The following RHBDD1 variants were observed in gnomAD, a reference collection of about 807,000 sequenced individuals.
RHBDD1 encodes the protein rhomboid-related protein 4.
Under a neutral mutation model 36.3 loss-of-function variants are expected in RHBDD1, and 38 were observed. The ratio of observed to expected loss-of-function variants is 1.05; its 90% CI spans 0.81 to 1.37. The LOEUF is 1.37. RHBDD1 is among the 40% of genes most tolerant of loss of function. RHBDD1 has a pLI of 0.00. For missense variants in RHBDD1, 393 were observed against 377.6 expected (o/e 1.04, Z -0.34); for synonymous variants, 151 against 136.5 (o/e 1.11, Z -0.74).
At chr2:226,970,063 C>G in intron 8 of RHBDD1, among the ~76,000 whole-genome samples, 1 of 142,772 alleles carries the variant, frequency 7.0e-6, no homozygotes, top group East Asian at 2.1e-4. Flanking sequence ...CCAGCCCTCT[C>G]CCCCCGCATT....
intron 5 of RHBDD1, among the ~76,000 whole-genome samples, chr2:226,906,127 C>T (rs1948034161): frequency 6.6e-6 from 1 of 152,180 alleles, no homozygotes; most frequent in South Asian, 2.1e-4. Context: ...CAAGTAATTG[C>T]TGGTTTTAGA....
intron 8 of RHBDD1, among the ~76,000 whole-genome samples, chr2:226,922,224 T>TC: frequency 6.8e-6 from 1 of 146,772 alleles, no homozygotes; most frequent in Non-Finnish European, 1.5e-5. Flanking sequence ...TTTTTTTTTT[T>TC]TGAGACGGAG....
At chr2:226,944,413 A>C (rs111497254) in intron 8 of RHBDD1, among the ~76,000 whole-genome samples, 1 of 152,072 alleles carries the variant, frequency 6.6e-6, no homozygotes, top group South Asian at 2.1e-4. Context: ...GGCTAGGGGG[A>C]CACTGTCAGA....
At chr2:226,847,922 T>G (rs921717745) in intron 3 of RHBDD1, among the ~76,000 whole-genome samples, 1 of 152,308 alleles carries the variant, frequency 6.6e-6, no homozygotes, top group East Asian at 1.9e-4. Context: ...ATGGAACGCC[T>G]TGCAACTCCC....
chr2:226,911,271 A>G (rs937056998), intron 7 of RHBDD1, among the ~76,000 whole-genome samples: 3 of 152,092 alleles, frequency 2.0e-5, no homozygotes, highest in South Asian at 2.1e-4. Context: ...TAGATCTTAC[A>G]TAACAGAATG....
chr2:226,869,614 G>A (rs1272098533), intron 5 of RHBDD1, among the ~76,000 whole-genome samples: 8 of 152,126 alleles, frequency 5.3e-5, no homozygotes, highest in Admixed American at 5.2e-4. Context: ...TGAAAGCCAC[G>A]GAATTAGTAA....
At chr2:226,918,735 C>T (rs1000470652) in intron 8 of RHBDD1, among the ~76,000 whole-genome samples, 2 of 151,970 alleles carry the variant, frequency 1.3e-5, no homozygotes, top group African/African-American at 4.8e-5. Context: ...TTAGGTTGCT[C>T]CCAAATCTTG....
chr2:226,801,113 G>A, the RHBDD1 span, among the ~76,000 whole-genome samples: 1 of 152,170 alleles, frequency 6.6e-6, no homozygotes, highest in African/African-American at 2.4e-5. Flanking sequence ...TTACTACGCC[G>A]GGACCCTCCT....
At chr2:226,923,843 T>C (rs1368157262) in intron 8 of RHBDD1, among the ~76,000 whole-genome samples, 1 of 152,048 alleles carries the variant, frequency 6.6e-6, no homozygotes, top group African/African-American at 2.4e-5. Context: ...TCTTGATTTG[T>C]TTTAATTATT....
intron 8 of RHBDD1, among the ~76,000 whole-genome samples, chr2:226,951,077 C>A (rs1315311760): frequency 6.6e-6 from 1 of 152,080 alleles, no homozygotes; most frequent in Non-Finnish European, 1.5e-5. Context: ...CCTCCATTTT[C>A]TTCTAGTAGG....
intron 8 of RHBDD1, among the ~76,000 whole-genome samples, chr2:226,946,448 C>A (rs1484429625): frequency 6.6e-6 from 1 of 151,910 alleles, no homozygotes; most frequent in African/African-American, 2.4e-5. Flanking sequence ...GCTACTGTAG[C>A]CTTGTAGTGT....
At chr2:226,992,306 CT>C (rs1392770392) in intron 8 of RHBDD1, among the ~76,000 whole-genome samples, 2 of 152,168 alleles carry the variant, frequency 1.3e-5, no homozygotes, top group African/African-American at 4.8e-5. Flanking sequence ...TTGTGATTCT[CT>C]TCGAAATAAG....
At chr2:226,901,011 G>C (rs937655228) in intron 5 of RHBDD1, among the ~76,000 whole-genome samples, 14 of 152,114 alleles carry the variant, frequency 9.2e-5, no homozygotes, top group Admixed American at 6.5e-4. Context: ...TGTAGCCTTT[G>C]ATCAACATCC....
chr2:226,922,962 TTTTATTATACTG>T (rs1949429669), intron 8 of RHBDD1, among the ~76,000 whole-genome samples: 1 of 152,226 alleles, frequency 6.6e-6, no homozygotes, highest in Non-Finnish European at 1.5e-5. Context: ...TCTACTTATA[TTTTATTATACTG>T]TTTACGTTTG....
At chr2:226,901,978 G>A (rs1244243485) in intron 5 of RHBDD1, among the ~76,000 whole-genome samples, 2 of 152,146 alleles carry the variant, frequency 1.3e-5, no homozygotes, top group Non-Finnish European at 2.9e-5. Flanking sequence ...GCCGTTTACT[G>A]TAGTTGCTGT....
rs564546775 is a variant in RHBDD1 at position 226,848,490 on chromosome 2, G to C, written c.-91+8863G>C. ...TCAGCTCTGACACATAAAGATACTG[G>C]AAGTCATTGTCACAATAAGAAAAAA... On this transcript the variant is annotated intron_variant, in intron 3 of 8. Coordinates refer to ENST00000392062, the MANE Select transcript of RHBDD1 (RefSeq NM_001167608.3). 2.0e-5 allele frequency among the ~76,000 whole-genome samples: 3 copies of C among 152,214 alleles called. No homozygotes were observed. The South Asian group carries it at 6.2e-4, about 32-fold the overall frequency.
upstream of RHBDD1, among the ~76,000 whole-genome samples, chr2:226,831,708 T>A (rs912344063): frequency 7.3e-5 from 11 of 151,228 alleles, no homozygotes; most frequent in African/African-American, 2.7e-4. Context: ...TATAATACTT[T>A]TTTTTTTTTT....
At chr2:226,827,952 TTTG>T in the RHBDD1 span, among the ~76,000 whole-genome samples, 1 of 152,234 alleles carries the variant, frequency 6.6e-6, no homozygotes, top group Non-Finnish European at 1.5e-5. Context: ...TTTAAATAGC[TTTG>T]TTAATGTGGA....
Position 226,995,448 on chromosome 2 carries a change from C to T in RHBDD1, c.874C>T (p.Pro292Ser). Residue 292 changes from proline (P) to serine (S), a missense_variant, in exon 9 of 9, where the codon CCA (proline) becomes TCA (serine). By Grantham distance (74) the Pro-to-Ser change is moderately conservative. Coordinates refer to ENST00000392062, the MANE Select transcript of RHBDD1 (RefSeq NM_001167608.3). ...CACTACAGGAAATACCAGAAATAGC[C>T]CACCACCCTACGGGTTTCATCTCTC... ...LWDRGNTRNS[P>S]PPYGFHLSPE... 1 of 1,612,098 alleles carries T rather than the reference C, an allele frequency of 6.2e-7. No individual in the cohort carries two copies.
Sources: allele counts gnomAD v4.1 joint callset (sites outside exome capture counted in the v4.1 genomes callset), GRCh38; gene constraint gnomAD v4.1.1; transcripts MANE v1.5; gene names NCBI Gene and HGNC (gene_info 2026-07-23, HGNC 2026-07-21).